Variants in TAX1BP1 observed in about 807,000 individuals in gnomAD.
TAX1BP1 encodes Tax1 binding protein 1, also known as tax1-binding protein 1.
TAX1BP1 carries 62 observed loss-of-function variants against 97.7 expected under a neutral mutation model. That is an observed-to-expected ratio of 0.63 (90% CI 0.52 to 0.78). TAX1BP1 has a LOEUF of 0.78. Among genes scored for constraint, TAX1BP1 ranks in the 30% least tolerant of loss-of-function variants. The pLI, the probability that TAX1BP1 is intolerant of heterozygous loss-of-function variation, is 0.00. For missense variants in TAX1BP1, 867 were observed against 916.1 expected (o/e 0.95, Z 0.69); for synonymous variants, 340 against 304.2 (o/e 1.12, Z -1.23).
intron 1 of TAX1BP1, among the ~76,000 whole-genome samples, chr7:27,741,808 C>T (rs1787617225): frequency 6.6e-6 from 1 of 151,944 alleles, no homozygotes; most frequent in Non-Finnish European, 1.5e-5. Flanking sequence ...CCGCCAGCCT[C>T]TGAGTTCCCT....
At chr7:27,799,473 A>G (rs1790053247) in intron 12 of TAX1BP1, among the ~76,000 whole-genome samples, 1 of 152,146 alleles carries the variant, frequency 6.6e-6, no homozygotes, top group African/African-American at 2.4e-5. Flanking sequence ...ATATGACTTT[A>G]TTTCCTCCCT....
At position 27,827,774 on chromosome 7, in the gene TAX1BP1, A is replaced by G. The variant is rs2128327964; in HGVS notation, c.2122A>G (p.Ser708Gly). 1 of 1,614,008 alleles carries G rather than the reference A, an allele frequency of 6.2e-7. No homozygotes were observed. Among genetic ancestry groups the G allele is most frequent in the South Asian group, 1.1e-5 (1 of 91,062 alleles). The change falls in exon 16 of 17, where the codon AGT becomes GGT. Residue 708 changes from serine (S) to glycine (G), a missense_variant. Physicochemically the swap from Ser to Gly is moderately conservative, Grantham distance 56 (BLOSUM62 0). Transcript: ENST00000396319. ...TGTGCCTACTGCTCCTGATCCTCCAAGTCAACATTTACGTGGGCATGGGAC... is the reference window on the plus strand; with the variant it reads ...TGTGCCTACTGCTCCTGATCCTCCAGGTCAACATTTACGTGGGCATGGGAC... The part of the protein sequence containing the change: ...ENVPTAPDPP[S>G]QHLRGHGTGF...
At chr7:27,796,660 G>T (rs1483257110) in intron 12 of TAX1BP1, among the ~76,000 whole-genome samples, 1 of 152,080 alleles carries the variant, frequency 6.6e-6, no homozygotes, top group Non-Finnish European at 1.5e-5. Context: ...CCAGGAGTTC[G>T]AGACCAGTCT....
chr7:27,754,893 C>G (rs1234943677), intron 2 of TAX1BP1, among the ~76,000 whole-genome samples: 1 of 152,026 alleles, frequency 6.6e-6, no homozygotes, highest in Non-Finnish European at 1.5e-5. Flanking sequence ...TGTCTTTTTT[C>G]TAATGCATAT....
At chr7:27,785,546 A>G (rs1789448311) in intron 7 of TAX1BP1, 57 bp downstream of exon 7, 5 of 1,437,262 alleles carry the variant, frequency 3.5e-6, no homozygotes, top group Non-Finnish European at 4.8e-6. Flanking sequence ...TGACCCCAGA[A>G]CTTAGGGGCT....
chr7:27,770,611 C>T (rs893837877), intron 5 of TAX1BP1, among the ~76,000 whole-genome samples: 2 of 151,964 alleles, frequency 1.3e-5, no homozygotes, highest in African/African-American at 4.8e-5. Context: ...TCCTTTTGTC[C>T]AACAAGGCCT....
chr7:27,755,999 T>G (rs1369532445), intron 2 of TAX1BP1, among the ~76,000 whole-genome samples: 3 of 152,210 alleles, frequency 2.0e-5, no homozygotes, highest in Non-Finnish European at 4.4e-5. Flanking sequence ...AAGACAAGAT[T>G]TCTTGCATTT....
rs2158389 is a variant in TAX1BP1 at position 27,774,695 on chromosome 7, T to C, written c.612+4861T>C. Reference sequence around the variant, plus strand: ...TCCTGGTTTACTATATGTGAGCTATTTACAATGTTTTCTTTTTATGCATCT... The same window carrying C: ...TCCTGGTTTACTATATGTGAGCTATCTACAATGTTTTCTTTTTATGCATCT... On this transcript the variant is annotated intron_variant, in intron 5 of 16. Transcript: ENST00000396319. 8.7e-3 allele frequency among the ~76,000 whole-genome samples: 1,318 copies of C among 152,240 alleles called. 15 individuals carry two copies. The highest frequency in any genetic ancestry group is 0.03 in the African/African-American group (1,239 of 41,554).
Position 27,799,871 on chromosome 7 carries a change from T to C in TAX1BP1, c.1639-94T>C, listed in dbSNP as rs1007464951. The C allele has an allele frequency of 2.0e-5, 19 of 937,422 alleles. No individual in the cohort carries two copies. In the African/African-American group the frequency reaches 2.2e-4, roughly 11 times the overall value. The allele number at this position is 937,422 out of a possible 1,614,324, so 58.1% of individuals were successfully genotyped here. ...TTTTTATGCTGTTACAACAGTGTTA[T>C]AATAAATGTTCAGCCCATATCTAAG... is the stretch of plus-strand genomic sequence containing the variant. On this transcript the variant is annotated intron_variant, in intron 12 of 16. Transcript: ENST00000396319.
chr7:27,803,042 G>C (rs903906680), intron 13 of TAX1BP1: 21 of 1,466,640 alleles, frequency 1.4e-5, no homozygotes, highest in Non-Finnish European at 1.8e-5. Flanking sequence ...GTATAAACCA[G>C]ATCTCAAAGT....
At chr7:27,773,160 C>T (rs924873962) in intron 5 of TAX1BP1, among the ~76,000 whole-genome samples, 1 of 152,048 alleles carries the variant, frequency 6.6e-6, no homozygotes, top group Non-Finnish European at 1.5e-5. Flanking sequence ...CTTACTTGTC[C>T]GTGATTGCAC....
At chr7:27,757,210 T>G (rs1788254395) in intron 2 of TAX1BP1, among the ~76,000 whole-genome samples, 1 of 152,164 alleles carries the variant, frequency 6.6e-6, no homozygotes, top group Non-Finnish European at 1.5e-5. Flanking sequence ...GGATATCTAG[T>G]ACCTGTTTTA....
At chr7:27,803,191 A>T (rs762530084) in intron 13 of TAX1BP1, 4 of 1,523,452 alleles carry the variant, frequency 2.6e-6, no homozygotes, top group Non-Finnish European at 3.5e-6. Flanking sequence ...GTATTGAGCA[A>T]TGTAGTTAAA....
intron 3 of TAX1BP1, 123 bp from the exon 4 acceptor site, chr7:27,765,711 A>T (rs563190940): frequency 3.6e-6 from 3 of 832,002 alleles, no homozygotes; most frequent in Admixed American, 5.4e-5. Flanking sequence ...AGGAGGAAGG[A>T]CATATCCCAG....
intron 13 of TAX1BP1, among the ~76,000 whole-genome samples, chr7:27,813,867 AT>A (rs1790654701): frequency 6.6e-6 from 1 of 152,032 alleles, no homozygotes; most frequent in South Asian, 2.1e-4. Context: ...AAACACATTA[AT>A]TTTCTTTCAA....
intron 3 of TAX1BP1, among the ~76,000 whole-genome samples, chr7:27,759,314 A>G (rs1327123025): frequency 6.6e-6 from 1 of 152,170 alleles, no homozygotes; most frequent in Non-Finnish European, 1.5e-5. Flanking sequence ...AGATTTAATC[A>G]CTGCCATGAT....
In TAX1BP1 at chr7:27,773,641, T is replaced by C. The variant is rs551032337; in HGVS notation, c.612+3807T>C. Among the ~76,000 whole-genome samples, 4 of 152,230 alleles carry C rather than the reference T, an allele frequency of 2.6e-5. No individual in the cohort carries two copies. The South Asian group carries it at 8.3e-4, about 32-fold the overall frequency. On this transcript the variant is annotated intron_variant, in intron 5 of 16. Transcript: ENST00000396319. ...ATATATATTGTTAATTCACTCCTTTTATTGCCAAATAATCTATTGTACTGA... is the reference window on the plus strand; with the variant it reads ...ATATATATTGTTAATTCACTCCTTTCATTGCCAAATAATCTATTGTACTGA...
At chr7:27,773,201 G>T (rs566939506) in intron 5 of TAX1BP1, among the ~76,000 whole-genome samples, 1 of 152,150 alleles carries the variant, frequency 6.6e-6, no homozygotes, top group South Asian at 2.1e-4. Context: ...TAGCAGTATG[G>T]CTCCAGTCCG....
chr7:27,768,157 T>C (rs948132903), intron 4 of TAX1BP1, among the ~76,000 whole-genome samples: 4 of 152,030 alleles, frequency 2.6e-5, no homozygotes, highest in African/African-American at 9.7e-5. Flanking sequence ...CAACTGTCCT[T>C]ATTAGGTGAT....
Sources: gnomAD v4.1 joint callset for allele counts (sites outside exome capture counted in the v4.1 genomes callset) on GRCh38, gnomAD v4.1.1 for gene constraint, MANE v1.5 for transcripts, NCBI Gene and HGNC (gene_info 2026-07-23, HGNC 2026-07-21) for gene names.